Variants in DDX31 observed in about 807,000 individuals in gnomAD.
DDX31 encodes the protein ATP-dependent DNA helicase DDX31.
Under a neutral mutation model 91.3 loss-of-function variants are expected in DDX31, and 70 were observed. That is an observed-to-expected ratio of 0.77 (90% CI 0.63 to 0.94). DDX31 has a LOEUF of 0.94. Among genes scored for constraint, DDX31 ranks in the 40% least tolerant of loss-of-function variants. DDX31 has a pLI of 0.00. For missense variants in DDX31, 902 were observed against 925.0 expected (o/e 0.98, Z 0.32); for synonymous variants, 362 against 350.6 (o/e 1.03, Z -0.36).
intron 19 of DDX31, among the ~76,000 whole-genome samples, chr9:132,597,248 G>A (rs1830481061): frequency 6.6e-6 from 1 of 152,168 alleles, no homozygotes; most frequent in African/African-American, 2.4e-5. Flanking sequence ...GTGCACCAGT[G>A]TCCCTGGAGG....
chr9:132,626,697 G>T (rs1005114339), intron 16 of DDX31, among the ~76,000 whole-genome samples: 2 of 151,806 alleles, frequency 1.3e-5, no homozygotes, highest in African/African-American at 4.8e-5. Flanking sequence ...CTCTTAGGTG[G>T]GAGAAGACAA....
At chr9:132,643,529 C>T (rs1288409239) in intron 13 of DDX31, among the ~76,000 whole-genome samples, 1 of 152,214 alleles carries the variant, frequency 6.6e-6, no homozygotes, top group Non-Finnish European at 1.5e-5. Context: ...GACATACAAA[C>T]AACAAACATT....
chr9:132,608,856 C>T (rs1489047206), intron 19 of DDX31, among the ~76,000 whole-genome samples: 1 of 152,140 alleles, frequency 6.6e-6, no homozygotes, highest in Non-Finnish European at 1.5e-5. Context: ...CAAAAAGCAG[C>T]AACTGGCATT....
Position 132,645,890 on chromosome 9 carries a change from C to G in DDX31, c.1380+5G>C. ...TTGTCGCTGCACAGGGAGATCAGTG[C>G]TCACCTCCTGCTCCATGCCGCCATG... On this transcript the variant is annotated splice_donor_5th_base_variant and intron_variant, in intron 13 of 19. Transcript: ENST00000372159. 3 of 1,609,960 alleles carry G rather than the reference C, an allele frequency of 1.9e-6. No homozygotes were observed. Among genetic ancestry groups the G allele is most frequent in the Non-Finnish European group, 2.5e-6 (3 of 1,177,710 alleles).
At chr9:132,627,845 C>T (rs1348792955) in intron 16 of DDX31, among the ~76,000 whole-genome samples, 1 of 152,202 alleles carries the variant, frequency 6.6e-6, no homozygotes, top group Non-Finnish European at 1.5e-5. Context: ...CTCCAATCTG[C>T]CCTGTGGTGC....
intron 18 of DDX31, among the ~76,000 whole-genome samples, chr9:132,616,704 C>A (rs1417028330): frequency 1.3e-5 from 2 of 151,762 alleles, no homozygotes; most frequent in African/African-American, 4.8e-5. Context: ...AGCAATACTC[C>A]TCTAGAGGTA....
chr9:132,662,264 A>C lies in DDX31; in HGVS notation c.405T>G (p.His135Gln). 1 of 1,614,192 alleles carries C rather than the reference A, an allele frequency of 6.2e-7. No individual in the cohort carries two copies. Among genetic ancestry groups the C allele is most frequent in the Non-Finnish European group, 8.5e-7 (1 of 1,180,022 alleles). ...AAFHELGLHP[H>Q]LISTINTVLK... is the part of the protein sequence containing the mutation. ...GAAAACACTGAAAGGTACTTACTAA[A>C]TGTGGGTGGAGGCCCAGCTCATGAA... Residue 135 changes from histidine to glutamine, a missense_variant, in exon 3 of 20, where the codon CAT becomes CAG. By Grantham distance (24) the His-to-Gln change is conservative. Coordinates refer to ENST00000372159, the MANE Select transcript of DDX31 (RefSeq NM_022779.9).
intron 12 of DDX31, 89 bp downstream of exon 12, chr9:132,646,733 TG>T: frequency 8.0e-7 from 1 of 1,243,080 alleles, no homozygotes; most frequent in South Asian, 1.3e-5. Context: ...CTCTGATTTT[TG>T]GTGTCTCAAC....
At chr9:132,662,006 C>T (rs1241733908) in intron 3 of DDX31, among the ~76,000 whole-genome samples, 1 of 151,888 alleles carries the variant, frequency 6.6e-6, no homozygotes, top group Admixed American at 6.6e-5. Context: ...GTCTTCAATA[C>T]TTAAAAAAAC....
At chr9:132,599,129 C>G (rs1830595054) in intron 19 of DDX31, among the ~76,000 whole-genome samples, 1 of 152,190 alleles carries the variant, frequency 6.6e-6, no homozygotes, top group Non-Finnish European at 1.5e-5. Flanking sequence ...CAGGTAAAAT[C>G]AAAGCCATCC....
chr9:132,630,190 C>T (rs1263152265), intron 16 of DDX31, 74 bp downstream of exon 16: 4 of 1,473,222 alleles, frequency 2.7e-6, no homozygotes, highest in Non-Finnish European at 3.7e-6. Context: ...CTTACAAGGC[C>T]CATTCACTGT....
chr9:132,596,131 T>C (rs1187615801), intron 19 of DDX31, among the ~76,000 whole-genome samples: 1 of 152,246 alleles, frequency 6.6e-6, no homozygotes, highest in East Asian at 1.9e-4. Context: ...TGTTACGTTC[T>C]GCTACTACAT....
chr9:132,613,372 G>A (rs769005218), intron 18 of DDX31, among the ~76,000 whole-genome samples: 3 of 152,130 alleles, frequency 2.0e-5, no homozygotes, highest in Non-Finnish European at 2.9e-5. Context: ...CAAACACTAC[G>A]TCAGGAAAGT....
At chr9:132,647,120 G>A (rs1833891123) in intron 11 of DDX31, 62 bp from the exon 12 acceptor site, 10 of 1,504,298 alleles carry the variant, frequency 6.6e-6, no homozygotes, top group African/African-American at 1.4e-5. Context: ...GGTCACAAAA[G>A]CGTACCCCCA....
chr9:132,636,016 G>C (rs1199374012), intron 14 of DDX31, among the ~76,000 whole-genome samples: 3 of 152,176 alleles, frequency 2.0e-5, no homozygotes, highest in African/African-American at 7.2e-5. Flanking sequence ...CAGGACTTGA[G>C]GGAGACACCA....
chr9:132,658,892 G>C lies in DDX31; in HGVS notation c.524-157C>G, dbSNP rs545302963. Among the ~76,000 whole-genome samples the C allele has an allele frequency of 3.9e-5, 6 of 152,250 alleles. No individual in the cohort carries two copies. The East Asian group carries it at 1.2e-3, about 29-fold the overall frequency. The stretch of plus-strand genomic sequence containing the variant: ...TTATACATCCAAGAGAAGTGAAAAG[G>C]GACTTCCCCTGTCTGCCACAAATCC... On this transcript the variant is annotated intron_variant, in intron 5 of 19. Transcript: ENST00000372159.
chr9:132,663,385 C>T (rs945550895), intron 1 of DDX31: 1 of 985,284 alleles, frequency 1.0e-6, no homozygotes, highest in African/African-American at 1.7e-5. Flanking sequence ...CCTTGCCTTT[C>T]GAGTCTCTGA....
intron 18 of DDX31, among the ~76,000 whole-genome samples, chr9:132,613,398 AAAT>A (rs1196652523): frequency 6.6e-6 from 1 of 152,232 alleles, no homozygotes; most frequent in Non-Finnish European, 1.5e-5. Context: ...TGCCGTTTTA[AAAT>A]TAAGAAGAGC....
rs1463995559 is a variant in DDX31, at chr9:132,603,845, G to A, written c.1994+8242C>T. On this transcript the variant is annotated intron_variant, in intron 19 of 19. Transcript: ENST00000372159. ...TTCCCGCTGTCTGCAGGTGACCCAG[G>A]TGTGGAGGAAGCTCAGGGTCACTGT... Among the ~76,000 whole-genome samples the A allele has an allele frequency of 2.6e-5, 4 of 152,198 alleles. 1 individual carries two copies. The East Asian group carries it at 7.7e-4, about 29-fold the overall frequency.
Sources: gnomAD v4.1 joint callset for allele counts (sites outside exome capture counted in the v4.1 genomes callset) on GRCh38, gnomAD v4.1.1 for gene constraint, MANE v1.5 for transcripts, NCBI Gene and HGNC (gene_info 2026-07-23, HGNC 2026-07-21) for gene names.